The following CCDC60 variants were observed in gnomAD, a reference collection of about 807,000 sequenced individuals.
CCDC60 encodes coiled-coil domain containing 60.
A neutral mutation model predicts 63.5 loss-of-function variants in CCDC60; 54 were observed. The ratio of observed to expected loss-of-function variants is 0.85; its 90% CI spans 0.68 to 1.07. The LOEUF is 1.07. CCDC60 is among the 50% of genes least tolerant of loss of function. The probability of loss-of-function intolerance (pLI) is 0.00; values close to 1 mark genes in which losing one functional copy is unlikely to be tolerated. For synonymous variants in CCDC60, 206 were observed against 238.8 expected (o/e 0.86, Z 1.27); for missense variants, 651 against 684.3 (o/e 0.95, Z 0.54).
At chr12:119,460,053 T>G (rs1346600079) in intron 2 of CCDC60, among the ~76,000 whole-genome samples, 1 of 152,008 alleles carries the variant, frequency 6.6e-6, no homozygotes, top group East Asian at 1.9e-4. Flanking sequence ...TGGACCACAC[T>G]TTGATTTGTA....
chr12:119,453,508 A>G lies in CCDC60; in HGVS notation c.171-18486A>G, dbSNP rs189617781. Among the ~76,000 whole-genome samples, 608 of 152,296 alleles carry G rather than the reference A, an allele frequency of 4.0e-3. 3 individuals are homozygous for G. Among genetic ancestry groups the G allele is most frequent in the African/African-American group, 0.014 (579 of 41,570 alleles). On this transcript the variant is annotated intron_variant, in intron 2 of 13. Transcript: ENST00000327554. Reference sequence around the variant, plus strand: ...TACATGATAACCAAGCATTTTTCCTACCACCACTGGCACAGTGGACTCACA... The same window carrying G: ...TACATGATAACCAAGCATTTTTCCTGCCACCACTGGCACAGTGGACTCACA...
At chr12:119,392,063 T>A (rs569205933) in intron 1 of CCDC60, among the ~76,000 whole-genome samples, 4 of 152,264 alleles carry the variant, frequency 2.6e-5, no homozygotes, top group African/African-American at 9.6e-5. Flanking sequence ...CCCTCAATCA[T>A]AAGTAACATA....
chr12:119,532,606 T>C (rs1952884291), intron 13 of CCDC60, among the ~76,000 whole-genome samples: 1 of 151,904 alleles, frequency 6.6e-6, no homozygotes, highest in African/African-American at 2.4e-5. Flanking sequence ...GCTTGTGATG[T>C]TTCCCTTCCT....
chr12:119,527,345 T>A (rs762856551), intron 11 of CCDC60, among the ~76,000 whole-genome samples: 1 of 152,120 alleles, frequency 6.6e-6, no homozygotes, highest in Non-Finnish European at 1.5e-5. Context: ...TGTAGTAATA[T>A]GTACAACAAA....
At chr12:119,383,604 A>G (rs1956031125) in intron 1 of CCDC60, among the ~76,000 whole-genome samples, 1 of 152,236 alleles carries the variant, frequency 6.6e-6, no homozygotes, top group African/African-American at 2.4e-5. Context: ...TAAAGAAACG[A>G]GTGTGCAGAA....
At chr12:119,414,476 A>C (rs1956664688) in intron 1 of CCDC60, among the ~76,000 whole-genome samples, 1 of 152,220 alleles carries the variant, frequency 6.6e-6, no homozygotes, top group Non-Finnish European at 1.5e-5. Flanking sequence ...AAAGGATGGG[A>C]AGACTGAATT....
chr12:119,368,963 A>T (rs893784009), intron 1 of CCDC60, among the ~76,000 whole-genome samples: 1 of 152,128 alleles, frequency 6.6e-6, no homozygotes, highest in Admixed American at 6.6e-5. Flanking sequence ...GAGAGGATGA[A>T]GAAAGAGGAA....
Position 119,353,852 on chromosome 12 carries a change from C to T in CCDC60, c.90+18586C>T, listed in dbSNP as rs374732538. Among the ~76,000 whole-genome samples the T allele has an allele frequency of 3.9e-5, 6 of 152,230 alleles. No individual in the cohort carries two copies. The East Asian group carries it at 9.7e-4, about 25-fold the overall frequency. On this transcript the variant is annotated intron_variant, in intron 1 of 13. Transcript: ENST00000327554. ...CTTTGGTATGCCAAGGCGAGTGGAT[C>T]GCCTGAGGTCCAGAGTTTGAGACCA...
At chr12:119,412,226 C>T (rs1956615948) in intron 1 of CCDC60, among the ~76,000 whole-genome samples, 1 of 152,026 alleles carries the variant, frequency 6.6e-6, no homozygotes, top group African/African-American at 2.4e-5. Context: ...GCTCTTTTCT[C>T]TTTCACCAGT....
At chr12:119,462,559 GA>G (rs1361264310) in intron 2 of CCDC60, among the ~76,000 whole-genome samples, 6 of 151,866 alleles carry the variant, frequency 4.0e-5, no homozygotes, top group African/African-American at 7.3e-5. Context: ...TGAATAAGTT[GA>G]AAAAAATCTC....
At chr12:119,401,458 G>A (rs960903785) in intron 1 of CCDC60, among the ~76,000 whole-genome samples, 1 of 152,192 alleles carries the variant, frequency 6.6e-6, no homozygotes, top group African/African-American at 2.4e-5. Flanking sequence ...AAGACAAGAC[G>A]CAATCTTGGC....
chr12:119,437,498 T>A (rs1165738714), intron 2 of CCDC60, among the ~76,000 whole-genome samples: 1 of 152,184 alleles, frequency 6.6e-6, no homozygotes, highest in Non-Finnish European at 1.5e-5. Context: ...TATAGTGGCA[T>A]CTTATTAACT....
At chr12:119,485,559 CCT>C (rs1951419390) in intron 4 of CCDC60, among the ~76,000 whole-genome samples, 1 of 152,170 alleles carries the variant, frequency 6.6e-6, no homozygotes, top group Admixed American at 6.5e-5. Flanking sequence ...TCGCTCTCTC[CCT>C]GTCTTCTCTG....
intron 1 of CCDC60, among the ~76,000 whole-genome samples, chr12:119,345,653 C>T (rs1190664976): frequency 6.6e-6 from 1 of 152,156 alleles, no homozygotes; most frequent in Non-Finnish European, 1.5e-5. Flanking sequence ...CTCAAGACCT[C>T]CCCTCAAACA....
Position 119,483,634 on chromosome 12 carries a change from G to GA in CCDC60, c.449+4442dup, listed in dbSNP as rs200129971. ...GCATTTTCCAATTTCTCTTGTAAAAGAAAAAAAAATGCTTTCTTCTCAGAG... is the reference window on the plus strand; with the variant it reads ...GCATTTTCCAATTTCTCTTGTAAAAGAAAAAAAAAATGCTTTCTTCTCAGAG... On this transcript the variant is annotated intron_variant, in intron 4 of 13. Transcript: ENST00000327554. Among the ~76,000 whole-genome samples the GA allele has an allele frequency of 1.7e-4, 25 of 150,890 alleles. No homozygotes were observed. The South Asian group carries it at 2.3e-3, about 14-fold the overall frequency.
At chr12:119,523,088 C>A in intron 10 of CCDC60, 87 bp downstream of exon 10, 1 of 1,178,478 alleles carries the variant, frequency 8.5e-7, no homozygotes, top group Non-Finnish European at 1.3e-6. Context: ...AGAAATGACC[C>A]AATGCAGACC....
intron 3 of CCDC60, among the ~76,000 whole-genome samples, chr12:119,472,872 C>G (rs544048391): frequency 6.6e-6 from 1 of 152,104 alleles, no homozygotes; most frequent in Non-Finnish European, 1.5e-5. Flanking sequence ...TGAGCCACCA[C>G]GCCCGGCCTC....
chr12:119,361,673 A>G (rs1372288038), intron 1 of CCDC60, among the ~76,000 whole-genome samples: 1 of 152,222 alleles, frequency 6.6e-6, no homozygotes, highest in African/African-American at 2.4e-5. Flanking sequence ...ATGAAAATCC[A>G]GGTGCTTTGA....
chr12:119,492,336 G>T (rs1356549941), intron 5 of CCDC60, among the ~76,000 whole-genome samples: 1 of 152,050 alleles, frequency 6.6e-6, no homozygotes, highest in Non-Finnish European at 1.5e-5. Context: ...TACCAACATG[G>T]TATCACCGAA....
Sources: gnomAD v4.1 joint callset for allele counts (sites outside exome capture counted in the v4.1 genomes callset) on GRCh38, gnomAD v4.1.1 for gene constraint, MANE v1.5 for transcripts, NCBI Gene and HGNC (gene_info 2026-07-23, HGNC 2026-07-21) for gene names.